Variants in KLF4 observed in about 807,000 individuals in gnomAD.
KLF4 encodes the protein Krueppel-like factor 4.
A neutral mutation model predicts 38.0 loss-of-function variants in KLF4; 14 were observed. The ratio of observed to expected loss-of-function variants is 0.37; its 90% CI spans 0.24 to 0.58. KLF4 has a LOEUF of 0.58. Among genes scored for constraint, KLF4 ranks in the 20% least tolerant of loss-of-function variants. The probability of loss-of-function intolerance (pLI) is 0.76; values close to 1 mark genes in which losing one functional copy is unlikely to be tolerated. For synonymous variants in KLF4, 398 were observed against 302.5 expected (o/e 1.32, Z -3.28); for missense variants, 737 against 670.1 (o/e 1.10, Z -1.10).
chr9:107,487,611 C>G lies in KLF4; in HGVS notation c.783G>C (p.Val261=), dbSNP rs1829095863. 1 of 1,601,094 alleles carries G rather than the reference C, an allele frequency of 6.2e-7. No homozygotes were observed. Among genetic ancestry groups the G allele is most frequent in the Non-Finnish European group, 8.5e-7 (1 of 1,177,670 alleles). ...GCCCGCCGTTGTAGGGCGCCACCAC[C>G]ACCGGGTGGCTGCCGTCAGGGCTGC... ...SKGSPDGSHP[V]VVAPYNGGPP... The change falls in exon 3 of 5, where the codon GTG becomes GTC. Residue 261 remains valine, a synonymous_variant. Transcript: ENST00000374672. This position sits in a 1 kb window ranked among gnomAD's most constrained non-coding sequence, Gnocchi z 6.1.
Position 107,488,135 on chromosome 9 carries a change from T to A in KLF4, c.259A>T (p.Asn87Tyr). The part of the protein sequence containing the change: ...GGAGAACGGS[N>Y]LAPLPRRETE... ...TCTCTCCGAGGTAGGGGCGCCAGGT[T>A]GCTACCGCCGCAAGCCGCACCGGCT... The change falls in exon 3 of 5, where the codon AAC becomes TAC. Residue 87 changes from asparagine to tyrosine, a missense_variant. Physicochemically the swap from Asn to Tyr is moderately radical, Grantham distance 143. This residue lies in a region of KLF4 where 695 missense variants were observed against 554.5 expected (regional missense o/e 1.25). Transcript: ENST00000374672. The surrounding 1 kb of genome is among the most constrained non-coding windows in gnomAD (Gnocchi z 5.7). 6.2e-7 allele frequency: 1 copy of A among 1,612,566 alleles called. No individual in the cohort carries two copies. The highest frequency in any genetic ancestry group is 1.1e-5 in the South Asian group (1 of 91,084).
Position 107,488,222 on chromosome 9 carries a change from G to A in KLF4, c.172C>T (p.Leu58Phe). The A allele has an allele frequency of 1.9e-6, 3 of 1,611,136 alleles. No homozygotes were observed. Among genetic ancestry groups the A allele is most frequent in the East Asian group, 2.2e-5 (1 of 44,826 alleles). Reference sequence around the variant, plus strand: ...GCCAGGTCATAGGGGCGGCCGGGAAGCACTGGGGGAAGTCGCTTCATGTGG... The same window carrying A: ...GCCAGGTCATAGGGGCGGCCGGGAAACACTGGGGGAAGTCGCTTCATGTGG... ...LSHMKRLPPV[L>F]PGRPYDLAAA... The change falls in exon 3 of 5, where the codon CTT (leucine) becomes TTT (phenylalanine). Residue 58 changes from leucine to phenylalanine, a missense_variant. Leu to Phe is a conservative substitution (Grantham distance 22). Transcript: ENST00000374672. The surrounding 1 kb of genome is among the most constrained non-coding windows in gnomAD (Gnocchi z 5.7).
rs748996367 is a variant in KLF4 at position 107,487,995 on chromosome 9, C to T, written c.399G>A (p.Ser133=). The change falls in exon 3 of 5, where the codon TCG becomes TCA. Residue 133 remains serine, a synonymous_variant. Coordinates refer to ENST00000374672, the MANE Select transcript of KLF4 (RefSeq NM_004235.6). The surrounding 1 kb of genome is among the most constrained non-coding windows in gnomAD (Gnocchi z 6.1). ...TVSSSASASS[S]SSPSSSGPAS... is the part of the protein sequence containing the mutation. ...CAGGGCCGCTGCTCGACGGCGACGA[C>T]GAAGAGGAGGCTGACGCTGACGAGG... 2 of 1,599,504 alleles carry T rather than the reference C, an allele frequency of 1.3e-6. No individual in the cohort carries two copies. Among genetic ancestry groups the T allele is most frequent in the Non-Finnish European group, 1.7e-6 (2 of 1,173,840 alleles).
In KLF4 at chr9:107,487,575, C is replaced by T. The variant is rs567211112; in HGVS notation, c.819G>A (p.Thr273=). Residue 273 remains threonine, a synonymous_variant, in exon 3 of 5, where the codon ACG becomes ACA. Coordinates refer to ENST00000374672, the MANE Select transcript of KLF4 (RefSeq NM_004235.6). The surrounding 1 kb of genome is among the most constrained non-coding windows in gnomAD (Gnocchi z 6.1). The stretch of plus-strand genomic sequence containing the variant: ...CCGCCTCCTGCTTGATCTTGGGGCA[C>T]GTGCGCGGCGGCCCGCCGTTGTAGG... The part of the protein sequence containing the change: ...VAPYNGGPPR[T]CPKIKQEAVS... 13 of 1,578,726 alleles carry T rather than the reference C, an allele frequency of 8.2e-6. No homozygotes were observed. The South Asian group carries it at 1.5e-4, about 18-fold the overall frequency.
rs777396288 is a variant in KLF4 at position 107,487,993 on chromosome 9, G to A, written c.401C>T (p.Ser134Leu). Residue 134 changes from serine (S) to leucine (L), a missense_variant, in exon 3 of 5, where the codon TCG (serine) becomes TTG (leucine). Around this residue, in one of 2 missense-constraint regions of KLF4, gnomAD observed 695 missense variants for 554.5 expected, o/e 1.25. Transcript: ENST00000374672. The surrounding 1 kb of genome is among the most constrained non-coding windows in gnomAD (Gnocchi z 6.1). ...VSSSASASSSSSPSSSGPASA... is the reference protein window; with the variant it reads ...VSSSASASSSLSPSSSGPASA... ...GGCAGGGCCGCTGCTCGACGGCGAC[G>A]ACGAAGAGGAGGCTGACGCTGACGA... 5.0e-6 allele frequency: 8 copies of A among 1,598,238 alleles called. No homozygotes were observed. The highest frequency in any genetic ancestry group is 2.7e-5 in the African/African-American group (2 of 74,688).
rs756511308 is a variant in KLF4 at position 107,487,987 on chromosome 9, G to A, written c.407C>T (p.Pro136Leu). The change falls in exon 3 of 5, where the codon CCG becomes CTG. Residue 136 changes from proline to leucine, a missense_variant. Around this residue, in one of 2 missense-constraint regions of KLF4, gnomAD observed 695 missense variants for 554.5 expected, o/e 1.25. Transcript: ENST00000374672. The surrounding 1 kb of genome is among the most constrained non-coding windows in gnomAD (Gnocchi z 6.1). ...CGCGCTGGCAGGGCCGCTGCTCGAC[G>A]GCGACGACGAAGAGGAGGCTGACGC... The part of the protein sequence containing the change: ...SSASASSSSS[P>L]SSSGPASAPS... The A allele has an allele frequency of 4.4e-6, 7 of 1,594,262 alleles. No homozygotes were observed. Among genetic ancestry groups the A allele is most frequent in the African/African-American group, 2.7e-5 (2 of 74,624 alleles).
chr9:107,485,590 AT>A lies in KLF4; in HGVS notation c.*160del. ...TTGATTTTTGTCTTTTGGATTCCTCATTTTTCCTGATTATCCACTCACAAGA... is the reference window on the plus strand; with the variant it reads ...TTGATTTTTGTCTTTTGGATTCCTCATTTTCCTGATTATCCACTCACAAGA... On this transcript the variant is annotated 3_prime_UTR_variant, in exon 5 of 5. Coordinates refer to ENST00000374672, the MANE Select transcript of KLF4 (RefSeq NM_004235.6). The surrounding 1 kb of genome is among the most constrained non-coding windows in gnomAD (Gnocchi z 4.9). 1.5e-6 allele frequency: 1 copy of A among 660,496 alleles called. No homozygotes were observed. Among genetic ancestry groups the A allele is most frequent in the Non-Finnish European group, 2.4e-6 (1 of 409,978 alleles). The allele number at this position is 660,496 out of a possible 1,614,324, so 40.9% of individuals were successfully genotyped here.
rs1251150427 is a variant in KLF4 at position 107,486,944 on chromosome 9, G to C, written c.1264+84C>G. On this transcript the variant is annotated intron_variant, in intron 4 of 4. Coordinates refer to ENST00000374672, the MANE Select transcript of KLF4 (RefSeq NM_004235.6). ...ATGGGGCTGGAAGCTAACCTGGGAA[G>C]TCAAGGAGGCACTGAGGAGTGTCCA... is the stretch of plus-strand genomic sequence containing the variant. 3.2e-5 allele frequency: 52 copies of C among 1,604,968 alleles called. No homozygotes were observed. In the East Asian group the frequency reaches 1.1e-3, roughly 35 times the overall value.
rs190157496 is a variant in KLF4 at position 107,489,373 on chromosome 9, C to T, written c.-201G>A. On this transcript the variant is annotated 5_prime_UTR_variant, in exon 1 of 5. Transcript: ENST00000374672. The stretch of plus-strand genomic sequence containing the variant: ...CAAAAGTTCTTAGAAAAGTTGTAAA[C>T]GCAAAAATAGACAATCAGCAAGGCG... The T allele has an allele frequency of 1.2e-5, 8 of 642,320 alleles. No individual in the cohort carries two copies. In the Admixed American group the frequency reaches 2.8e-4, roughly 22 times the overall value. 39.8% of individuals were successfully genotyped at this position (642,320 alleles called of 1,614,324 possible). A position where few individuals can be genotyped will look rare whatever the true frequency, so the allele number is the denominator to read the frequency against.
intron 4 of KLF4, among the ~76,000 whole-genome samples, chr9:107,486,712 A>G (rs143820994): frequency 1.3e-5 from 2 of 152,226 alleles, no homozygotes; most frequent in East Asian, 1.9e-4. Context: ...CCAAGCTAGG[A>G]GAGGCCCACA....
Position 107,488,616 on chromosome 9 carries a change from ACT to A in KLF4, c.126+312_126+313del, listed in dbSNP as rs879700278. 9.3e-5 allele frequency among the ~76,000 whole-genome samples: 14 copies of A among 150,004 alleles called. No individual in the cohort carries two copies. Among genetic ancestry groups the A allele is most frequent in the Non-Finnish European group, 1.9e-4 (13 of 67,330 alleles). Reference sequence around the variant, plus strand: ...ACGGGGCCGCCTACGCGCTAAACTCACTCTGGCCCAGCCAGTGTCTGGGGACG... The same window carrying A: ...ACGGGGCCGCCTACGCGCTAAACTCACTGGCCCAGCCAGTGTCTGGGGACG... On this transcript the variant is annotated intron_variant, in intron 2 of 4. Coordinates refer to ENST00000374672, the MANE Select transcript of KLF4 (RefSeq NM_004235.6). This position sits in a 1 kb window ranked among gnomAD's most constrained non-coding sequence, Gnocchi z 5.7.
rs1368619600 is a variant in KLF4, at chr9:107,488,765, G to T, written c.126+165C>A. Among the ~76,000 whole-genome samples, 1 of 152,212 alleles carries T rather than the reference G, an allele frequency of 6.6e-6. No individual in the cohort carries two copies. Among genetic ancestry groups the T allele is most frequent in the Non-Finnish European group, 1.5e-5 (1 of 68,046 alleles). ...AGTGCTCGCACCACGGGCATACACAGCTGAGCCAAGGACACGGAAGCTATC... is the reference window on the plus strand; with the variant it reads ...AGTGCTCGCACCACGGGCATACACATCTGAGCCAAGGACACGGAAGCTATC... On this transcript the variant is annotated intron_variant, in intron 2 of 4. Transcript: ENST00000374672. The surrounding 1 kb of genome is among the most constrained non-coding windows in gnomAD (Gnocchi z 5.7).
Position 107,487,763 on chromosome 9 carries a change from C to T in KLF4, c.631G>A (p.Val211Met). ...TGCGGCTGCTGCGGCGGAATGTACA[C>T]CGGGTCCAATTCTGGCCGCAGGAGC... ...AELLRPELDP[V>M]YIPPQQPQPP... is the part of the protein sequence containing the mutation. Residue 211 changes from valine (V) to methionine (M), a missense_variant, in exon 3 of 5, where the codon GTG becomes ATG. This residue lies in a region of KLF4 where 695 missense variants were observed against 554.5 expected (regional missense o/e 1.25). Coordinates refer to ENST00000374672, the MANE Select transcript of KLF4 (RefSeq NM_004235.6). This position sits in a 1 kb window ranked among gnomAD's most constrained non-coding sequence, Gnocchi z 6.1. 2 of 1,564,846 alleles carry T rather than the reference C, an allele frequency of 1.3e-6. No individual in the cohort carries two copies. Among genetic ancestry groups the T allele is most frequent in the Non-Finnish European group, 1.7e-6 (2 of 1,155,244 alleles).
rs1450960159 is a variant in KLF4, at chr9:107,487,114, G to A, written c.1178C>T (p.Thr393Ile). The change falls in exon 4 of 5, where the codon ACC becomes ATC. Residue 393 changes from threonine to isoleucine, a missense_variant. Coordinates refer to ENST00000374672, the MANE Select transcript of KLF4 (RefSeq NM_004235.6). The surrounding 1 kb of genome is among the most constrained non-coding windows in gnomAD (Gnocchi z 6.1). ...CGCGTAATCACAAGTGTGGGTGGCG[G>A]TCCTTTTCCGGGGCCACGATCGTCT... ...RGRRSWPRKR[T>I]ATHTCDYAGC... 1.9e-6 allele frequency: 3 copies of A among 1,614,074 alleles called. No homozygotes were observed. Among genetic ancestry groups the A allele is most frequent in the African/African-American group, 2.7e-5 (2 of 74,936 alleles).
rs1467647062 is a variant in KLF4 at position 107,488,174 on chromosome 9, G to A, written c.220C>T (p.Leu74=). 1.9e-6 allele frequency: 3 copies of A among 1,612,572 alleles called. No individual in the cohort carries two copies. The highest frequency in any genetic ancestry group is 2.2e-5 in the South Asian group (2 of 91,072). The stretch of plus-strand genomic sequence containing the variant: ...GCCGCACCGGCTCCGCCGCTCTCCA[G>A]GTCTGTGGCCACGGTCGCCGCCGCC... ...DLAAATVATD[L]ESGGAGAACG... Residue 74 remains leucine (L), a synonymous_variant, in exon 3 of 5, where the codon CTG becomes TTG. Transcript: ENST00000374672. The surrounding 1 kb of genome is among the most constrained non-coding windows in gnomAD (Gnocchi z 5.7).
chr9:107,488,394 C>T lies in KLF4; in HGVS notation c.127-127G>A. On this transcript the variant is annotated intron_variant, in intron 2 of 4. Transcript: ENST00000374672. This position sits in a 1 kb window ranked among gnomAD's most constrained non-coding sequence, Gnocchi z 5.7. ...TGGGGACTGGTCAGGCAGGAAGCAC[C>T]CGGGAACCCAGGGCGCCAGCGCTGC... 2 of 1,423,014 alleles carry T rather than the reference C, an allele frequency of 1.4e-6. No individual in the cohort carries two copies. Among genetic ancestry groups the T allele is most frequent in the South Asian group, 3.0e-5 (2 of 66,734 alleles). 88.1% of individuals were successfully genotyped at this position (1,423,014 alleles called of 1,614,324 possible).
Position 107,488,159 on chromosome 9 carries a change from C to G in KLF4, c.235G>C (p.Ala79Pro). 6.2e-7 allele frequency: 1 copy of G among 1,612,580 alleles called. No individual in the cohort carries two copies. Among genetic ancestry groups the G allele is most frequent in the Non-Finnish European group, 8.5e-7 (1 of 1,179,872 alleles). ...TTGCTACCGCCGCAAGCCGCACCGG[C>G]TCCGCCGCTCTCCAGGTCTGTGGCC... ...TVATDLESGG[A>P]GAACGGSNLA... The change falls in exon 3 of 5, where the codon GCC becomes CCC. Residue 79 changes from alanine (A) to proline (P), a missense_variant. Around this residue, in one of 2 missense-constraint regions of KLF4, gnomAD observed 695 missense variants for 554.5 expected, o/e 1.25. Transcript: ENST00000374672. This position sits in a 1 kb window ranked among gnomAD's most constrained non-coding sequence, Gnocchi z 5.7.
chr9:107,488,377 G>T lies in KLF4; in HGVS notation c.127-110C>A. 4.2e-6 allele frequency: 6 copies of T among 1,437,024 alleles called. No homozygotes were observed. The highest frequency in any genetic ancestry group is 5.5e-6 in the Non-Finnish European group (6 of 1,100,688). The allele number at this position is 1,437,024 out of a possible 1,614,324, so 89.0% of individuals were successfully genotyped here. On this transcript the variant is annotated intron_variant, in intron 2 of 4. Coordinates refer to ENST00000374672, the MANE Select transcript of KLF4 (RefSeq NM_004235.6). The surrounding 1 kb of genome is among the most constrained non-coding windows in gnomAD (Gnocchi z 5.7). ...ACTGCACCGCCCAGACATGGGGACT[G>T]GTCAGGCAGGAAGCACCCGGGAACC...
At position 107,485,602 on chromosome 9, in the gene KLF4, T is replaced by A. The variant is rs968845055; in HGVS notation, c.*149A>T. ...TTTTGGATTCCTCATTTTTCCTGATTATCCACTCACAAGATGACTCAGTTG... is the reference window on the plus strand; with the variant it reads ...TTTTGGATTCCTCATTTTTCCTGATAATCCACTCACAAGATGACTCAGTTG... On this transcript the variant is annotated 3_prime_UTR_variant, in exon 5 of 5. Transcript: ENST00000374672. The surrounding 1 kb of genome is among the most constrained non-coding windows in gnomAD (Gnocchi z 4.9). The A allele has an allele frequency of 4.0e-5, 28 of 707,426 alleles. No homozygotes were observed. In the African/African-American group the frequency reaches 4.1e-4, roughly 10 times the overall value. The allele number at this position is 707,426 out of a possible 1,614,324, so 43.8% of individuals were successfully genotyped here. A position where few individuals can be genotyped will look rare whatever the true frequency, so the allele number is the denominator to read the frequency against.
Sources: gnomAD v4.1 joint callset for allele counts (sites outside exome capture counted in the v4.1 genomes callset) on GRCh38, gnomAD v4.1.1 for gene constraint, gnomAD v4.1.1 regional missense constraint, Gnocchi (gnomAD v3.1) non-coding constraint, MANE v1.5 for transcripts, NCBI Gene and HGNC (gene_info 2026-07-23, HGNC 2026-07-21) for gene names.